MYO9A: variants seen among roughly 807,000 people sequenced by gnomAD.
MYO9A encodes the protein unconventional myosin-IXa.
In MYO9A, 103 loss-of-function variants were observed where a neutral mutation model predicts 293.3. The observed-to-expected ratio is 0.35, with a 90% confidence interval of 0.30 to 0.41. The LOEUF is 0.41. Among genes scored for constraint, MYO9A ranks in the 10% least tolerant of loss-of-function variants. The pLI is 1.00. For missense variants in MYO9A, 2,685 were observed against 3,033.0 expected (o/e 0.89, Z 2.69); for synonymous variants, 1,001 against 1,035.7 (o/e 0.97, Z 0.64).
chr15:71,993,287 T>C (rs914176663), intron 10 of MYO9A, among the ~76,000 whole-genome samples: 9 of 151,214 alleles, frequency 6.0e-5, no homozygotes, highest in Non-Finnish European at 1.0e-4. Flanking sequence ...GAGACGGAGG[T>C]TGCAATGAGC....
At chr15:71,848,775 C>G in intron 39 of MYO9A, 70 bp downstream of exon 39, 1 of 1,515,434 alleles carries the variant, frequency 6.6e-7, no homozygotes, top group Non-Finnish European at 8.8e-7. Context: ...TCCTTGTATA[C>G]ACCACAAAAG....
intron 12 of MYO9A, among the ~76,000 whole-genome samples, chr15:71,976,607 C>T (rs886634400): frequency 2.2e-4 from 33 of 152,146 alleles, no homozygotes; most frequent in African/African-American, 7.7e-4. Flanking sequence ...CCCAAATAAA[C>T]ATATACCAGA....
At chr15:71,977,270 C>T (rs1440586212) in intron 12 of MYO9A, among the ~76,000 whole-genome samples, 3 of 152,156 alleles carry the variant, frequency 2.0e-5, no homozygotes, top group African/African-American at 7.2e-5. Flanking sequence ...CTTGCTCTGT[C>T]GCCCAGGCTG....
rs1305264950 is a variant in MYO9A at position 71,823,955 on chromosome 15, C to CT, written c.*2624_*2625insA. The CT allele has an allele frequency of 2.0e-5, 3 of 152,162 alleles. No individual in the cohort carries two copies. The highest frequency in any genetic ancestry group is 6.5e-5 in the Admixed American group (1 of 15,268). 9.4% of individuals were successfully genotyped at this position (152,162 alleles called of 1,614,324 possible). On this transcript the variant is annotated 3_prime_UTR_variant, in exon 42 of 42. Transcript: ENST00000356056. ...TGACATAACTTTACCATGCAGAGGG[C>CT]CAGTGAGAACAGATGGATGCAGACA...
chr15:72,103,379 AAGCAGC>A lies in MYO9A; in HGVS notation c.-72+14295_-72+14300del, dbSNP rs955731367. Among the ~76,000 whole-genome samples, 9 of 150,120 alleles carry A rather than the reference AAGCAGC, an allele frequency of 6.0e-5. No individual in the cohort carries two copies. In the South Asian group the frequency reaches 8.6e-4, roughly 14 times the overall value. ...GAGACAGAAGCAGCAGCAGAAGCAGAAGCAGCAGCAGCAGAAGCAGCAGCAAGCAGC... is the reference window on the plus strand; with the variant it reads ...GAGACAGAAGCAGCAGCAGAAGCAGAAGCAGCAGAAGCAGCAGCAAGCAGC... On this transcript the variant is annotated intron_variant, in intron 1 of 41. Coordinates refer to ENST00000356056, the MANE Select transcript of MYO9A (RefSeq NM_006901.4).
intron 20 of MYO9A, 27 bp downstream of exon 20, chr15:71,904,899 G>A (rs1567252859): frequency 6.5e-7 from 1 of 1,534,836 alleles, no homozygotes; most frequent in Admixed American, 1.7e-5. Flanking sequence ...GCTGAGATAT[G>A]TGCTCTCATT....
chr15:71,996,499 T>C (rs963184729), intron 9 of MYO9A, among the ~76,000 whole-genome samples: 3 of 152,158 alleles, frequency 2.0e-5, no homozygotes, highest in African/African-American at 7.2e-5. Flanking sequence ...TTAACCTCAA[T>C]AAACCCAAAT....
intron 1 of MYO9A, among the ~76,000 whole-genome samples, chr15:72,106,439 G>A (rs994896655): frequency 3.9e-5 from 6 of 152,208 alleles, no homozygotes; most frequent in Non-Finnish European, 8.8e-5. Flanking sequence ...CTGCAGTGAT[G>A]TATGATTGTG....
In MYO9A at chr15:72,054,543, C is replaced by T. The variant is rs139510416; in HGVS notation, c.-71-7909G>A. ...AAAATTAGCCAGGCATGGTGGTGTC[C>T]GCCTGTAGTACCAGCTGCTTGGGAG... On this transcript the variant is annotated intron_variant, in intron 1 of 41. Transcript: ENST00000356056. Among the ~76,000 whole-genome samples, 339 of 152,030 alleles carry T rather than the reference C, an allele frequency of 2.2e-3. 15 individuals carry two copies. Among genetic ancestry groups the T allele is most frequent in the Admixed American group, 0.021 (313 of 15,266 alleles).
chr15:72,032,846 G>GTTATTTAT (rs576506684), intron 2 of MYO9A, among the ~76,000 whole-genome samples: 1 of 151,804 alleles, frequency 6.6e-6, no homozygotes, highest in South Asian at 2.1e-4. Context: ...TTTATTTTAT[G>GTTATTTAT]TTATTTATTT....
intron 19 of MYO9A, among the ~76,000 whole-genome samples, chr15:71,915,712 C>T (rs1050431052): frequency 1.3e-5 from 2 of 152,104 alleles, no homozygotes; most frequent in East Asian, 1.9e-4. Flanking sequence ...AACACTGCTT[C>T]TGTGATATAA....
At chr15:72,031,170 C>T (rs141483638) in intron 3 of MYO9A, among the ~76,000 whole-genome samples, 2 of 152,282 alleles carry the variant, frequency 1.3e-5, no homozygotes, top group East Asian at 1.9e-4. Context: ...TTGTCTTCGA[C>T]GAAACCAGTC....
rs570015135 is a variant in MYO9A at position 71,897,928 on chromosome 15, C to T, written c.4575G>A (p.Lys1525=). Residue 1525 remains lysine (K), a synonymous_variant, in exon 25 of 42, where the codon AAG becomes AAA. Coordinates refer to ENST00000356056, the MANE Select transcript of MYO9A (RefSeq NM_006901.4). Reference sequence around the variant, plus strand: ...CAATTGTCTTGAAGGCTTTGCGCTCCTTCTCTAAAATATCTGTTTGCTGGC... The same window carrying T: ...CAATTGTCTTGAAGGCTTTGCGCTCTTTCTCTAAAATATCTGTTTGCTGGC... ...QIRQQTDILE[K]ERKAFKTIEK... The T allele has an allele frequency of 1.2e-6, 2 of 1,614,174 alleles. No homozygotes were observed. Among genetic ancestry groups the T allele is most frequent in the African/African-American group, 1.3e-5 (1 of 75,052 alleles).
chr15:71,892,999 C>A, intron 26 of MYO9A: 2 of 1,287,064 alleles, frequency 1.6e-6, no homozygotes, highest in South Asian at 2.5e-5. Flanking sequence ...CTGACCCAGG[C>A]TGGGTGCAGG....
chr15:71,832,824 A>C (rs1251490950), intron 39 of MYO9A, among the ~76,000 whole-genome samples: 1 of 152,222 alleles, frequency 6.6e-6, no homozygotes, highest in Non-Finnish European at 1.5e-5. Context: ...TAAAACATAC[A>C]GATAATTAAG....
chr15:71,953,316 C>G (rs746578462), intron 14 of MYO9A, among the ~76,000 whole-genome samples: 3 of 152,150 alleles, frequency 2.0e-5, no homozygotes, highest in Non-Finnish European at 2.9e-5. Flanking sequence ...TGGCAGTCAG[C>G]TGAAGGGGAC....
At chr15:71,889,411 C>T (rs1361316958) in intron 26 of MYO9A, 1 of 151,192 alleles carries the variant, frequency 6.6e-6, no homozygotes, top group Non-Finnish European at 1.5e-5. Flanking sequence ...GAATAATTAG[C>T]CCTAGACTGA....
intron 1 of MYO9A, among the ~76,000 whole-genome samples, chr15:72,070,207 C>T (rs935765068): frequency 2.0e-5 from 3 of 151,288 alleles, no homozygotes; most frequent in South Asian, 2.1e-4. Flanking sequence ...TTTGGGAGGC[C>T]GAGGCAGATG....
In MYO9A at chr15:72,046,618, T is replaced by A. The variant is rs1258736107; in HGVS notation, c.-55A>T. 1 of 1,460,852 alleles carries A rather than the reference T, an allele frequency of 6.8e-7. No individual in the cohort carries two copies. Among genetic ancestry groups the A allele is most frequent in the Non-Finnish European group, 9.0e-7 (1 of 1,105,066 alleles). The allele number at this position is 1,460,852 out of a possible 1,614,324, so 90.5% of individuals were successfully genotyped here. A position where few individuals can be genotyped will look rare whatever the true frequency, so the allele number is the denominator to read the frequency against. ...TATATGTTCAAAGTCGTGCAAACCA[T>A]TTTCTTGGTAAAATAACTGTAACAT... is the stretch of plus-strand genomic sequence containing the variant. On this transcript the variant is annotated 5_prime_UTR_variant, in exon 2 of 42. It removes an upstream start codon present in the reference 5' UTR. Transcript: ENST00000356056.
Sources: allele counts gnomAD v4.1 joint callset (sites outside exome capture counted in the v4.1 genomes callset), GRCh38; gene constraint gnomAD v4.1.1; transcripts MANE v1.5; gene names NCBI Gene and HGNC (gene_info 2026-07-23, HGNC 2026-07-21).